Variants in SCAPER observed in about 807,000 individuals in gnomAD.
SCAPER encodes S phase cyclin A-associated protein in the endoplasmic reticulum.
A neutral mutation model predicts 182.2 loss-of-function variants in SCAPER; 98 were observed. That is an observed-to-expected ratio of 0.54 (90% CI 0.46 to 0.64). SCAPER has a LOEUF of 0.64. SCAPER is among the 30% of genes least tolerant of loss of function. The probability of loss-of-function intolerance (pLI) is 0.00; values close to 1 mark genes in which losing one functional copy is unlikely to be tolerated. For synonymous variants in SCAPER, 605 were observed against 564.6 expected (o/e 1.07, Z -1.01); for missense variants, 1,432 against 1,690.0 (o/e 0.85, Z 2.68).
At chr15:76,817,392 A>G (rs114350783) in intron 5 of SCAPER, among the ~76,000 whole-genome samples, 138 of 152,306 alleles carry the variant, frequency 9.1e-4, no homozygotes, top group African/African-American at 3.3e-3. Context: ...GAAAGGGACA[A>G]TCAGTGGTTG....
At chr15:76,350,226 A>T (rs1240624648) in intron 31 of SCAPER, 1 of 152,198 alleles carries the variant, frequency 6.6e-6, no homozygotes, top group Non-Finnish European at 1.5e-5. Context: ...AATTTCTGAA[A>T]AGTTGCATAG....
intron 24 of SCAPER, among the ~76,000 whole-genome samples, chr15:76,487,027 T>C (rs1402371346): frequency 6.6e-6 from 1 of 152,144 alleles, no homozygotes; most frequent in Non-Finnish European, 1.5e-5. Context: ...GATCATGTCC[T>C]TTGTGGGGAT....
chr15:76,398,661 T>C (rs905544226), intron 27 of SCAPER, among the ~76,000 whole-genome samples: 1 of 152,244 alleles, frequency 6.6e-6, no homozygotes. Context: ...TCCAGAACTT[T>C]GGCTAGAACA....
chr15:76,733,753 CA>C (rs1268646535), intron 15 of SCAPER, among the ~76,000 whole-genome samples: 2 of 148,636 alleles, frequency 1.3e-5, no homozygotes, highest in African/African-American at 5.0e-5. Flanking sequence ...GACTCCATAT[CA>C]AAAAAGAAAG....
intron 8 of SCAPER, among the ~76,000 whole-genome samples, chr15:76,778,688 T>C (rs1245739201): frequency 6.6e-6 from 1 of 152,032 alleles, no homozygotes; most frequent in East Asian, 1.9e-4. Flanking sequence ...TATATACTTA[T>C]ATACCTATAG....
chr15:76,703,306 C>T (rs768369719), intron 18 of SCAPER, among the ~76,000 whole-genome samples: 2 of 152,208 alleles, frequency 1.3e-5, no homozygotes, highest in Admixed American at 1.3e-4. Context: ...TTTACAGAAC[C>T]TCCAGTACGT....
chr15:76,504,128 T>A (rs1442496258), intron 24 of SCAPER, among the ~76,000 whole-genome samples: 1 of 152,112 alleles, frequency 6.6e-6, no homozygotes, highest in East Asian at 1.9e-4. Context: ...CCTCAAGTGA[T>A]CCTCCTGCCT....
intron 26 of SCAPER, among the ~76,000 whole-genome samples, chr15:76,421,000 T>C (rs2045995766): frequency 6.6e-6 from 1 of 152,256 alleles, no homozygotes; most frequent in South Asian, 2.1e-4. Flanking sequence ...TGTGCCACAT[T>C]TTCTTAATCC....
intron 25 of SCAPER, among the ~76,000 whole-genome samples, chr15:76,445,575 C>A (rs977312590): frequency 1.3e-5 from 2 of 152,082 alleles, no homozygotes; most frequent in African/African-American, 4.8e-5. Flanking sequence ...TCTGAGTTAG[C>A]CACCTGGAGA....
At chr15:76,677,097 C>T (rs1361876105) in intron 20 of SCAPER, among the ~76,000 whole-genome samples, 1 of 152,028 alleles carries the variant, frequency 6.6e-6, no homozygotes, top group Non-Finnish European at 1.5e-5. Context: ...CTGTGAGACA[C>T]AGTAGATAAG....
intron 25 of SCAPER, among the ~76,000 whole-genome samples, chr15:76,461,470 G>T (rs79153604): frequency 0.072 from 10,646 of 147,892 alleles, 414 homozygotes; most frequent in Middle Eastern, 0.11. Context: ...TATTACTTTG[G>T]TTTTTGCCTA....
chr15:76,465,782 G>A (rs1049891113), intron 25 of SCAPER, among the ~76,000 whole-genome samples: 2 of 151,912 alleles, frequency 1.3e-5, no homozygotes, highest in African/African-American at 4.8e-5. Flanking sequence ...TCATTCTTTT[G>A]CATGTGGATA....
intron 21 of SCAPER, among the ~76,000 whole-genome samples, chr15:76,637,942 G>C (rs917841583): frequency 6.6e-6 from 1 of 151,814 alleles, no homozygotes; most frequent in Non-Finnish European, 1.5e-5. Context: ...TTGGAGAAAT[G>C]TCTATTCCCT....
intron 26 of SCAPER, among the ~76,000 whole-genome samples, chr15:76,426,261 C>G (rs191820748): frequency 2.0e-5 from 3 of 152,304 alleles, no homozygotes; most frequent in Admixed American, 2.0e-4. Context: ...TAGGCTCCAC[C>G]CAGTTCGAGC....
At chr15:76,435,495 C>T (rs2047142259) in intron 25 of SCAPER, among the ~76,000 whole-genome samples, 1 of 152,130 alleles carries the variant, frequency 6.6e-6, no homozygotes, top group African/African-American at 2.4e-5. Context: ...AGGAGACATT[C>T]TTCCTGAAAT....
At chr15:76,492,735 C>A (rs2052443377) in intron 24 of SCAPER, among the ~76,000 whole-genome samples, 1 of 151,804 alleles carries the variant, frequency 6.6e-6, no homozygotes, top group African/African-American at 2.4e-5. Context: ...AAGAAAATGT[C>A]CTCTCAGCAA....
chr15:76,883,916 C>T, intron 1 of SCAPER, 40 bp from the exon 2 acceptor site: 1 of 894,870 alleles, frequency 1.1e-6, no homozygotes, highest in Non-Finnish European at 1.7e-6. Flanking sequence ...TATAACATTA[C>T]CAGAAAACCA....
chr15:76,512,994 G>A (rs910197008), intron 23 of SCAPER, among the ~76,000 whole-genome samples: 2 of 152,084 alleles, frequency 1.3e-5, no homozygotes, highest in Non-Finnish European at 2.9e-5. Context: ...AGCCACCTCG[G>A]GACTCTCTTC....
At chr15:76,884,725 C>T (rs940625531) in intron 1 of SCAPER, among the ~76,000 whole-genome samples, 6 of 152,174 alleles carry the variant, frequency 3.9e-5, no homozygotes, top group African/African-American at 1.4e-4. Context: ...TTCACAGCAG[C>T]ATTATTCATA....
Sources: gnomAD v4.1 joint callset for allele counts (sites outside exome capture counted in the v4.1 genomes callset) on GRCh38, gnomAD v4.1.1 for gene constraint, MANE v1.5 for transcripts, NCBI Gene and HGNC (gene_info 2026-07-23, HGNC 2026-07-21) for gene names.